PRELID2: variants seen among roughly 807,000 people sequenced by gnomAD.
PRELID2 encodes PRELI domain containing 2.
PRELID2 carries 25 observed loss-of-function variants against 28.4 expected under a neutral mutation model. The ratio of observed to expected loss-of-function variants is 0.88; its 90% confidence interval spans 0.64 to 1.23. The LOEUF (loss-of-function observed/expected upper bound fraction) is 1.23. Ranked by LOEUF, PRELID2 falls within the 50% of genes most tolerant of loss-of-function variation. PRELID2 has a pLI of 0.00. For missense variants in PRELID2, 201 were observed against 214.4 expected, an observed-to-expected ratio of 0.94 and a Z score of 0.39; for synonymous variants, 76 against 71.6, an observed-to-expected ratio of 1.06 and a Z score of -0.31.
At chr5:145,259,868 T>C in the PRELID2 span, among the ~76,000 whole-genome samples, 1 of 152,162 alleles carries the variant, frequency 6.6e-6, no homozygotes, top group East Asian at 1.9e-4. Flanking sequence ...TAGAATGATA[T>C]GGTTTGGATC....
At chr5:145,359,533 T>A in the PRELID2 span, among the ~76,000 whole-genome samples, 1,897 of 152,300 alleles carry the variant, frequency 0.012, 20 homozygotes, top group Non-Finnish European at 0.018. Flanking sequence ...TATGACCACA[T>A]GGTAGAAATA....
chr5:145,282,677 GC>G, the PRELID2 span, among the ~76,000 whole-genome samples: 1 of 152,000 alleles, frequency 6.6e-6, no homozygotes, highest in Non-Finnish European at 1.5e-5. Flanking sequence ...CTGCCAACAT[GC>G]CCGGCTAATT....
At chr5:145,312,523 C>A in the PRELID2 span, among the ~76,000 whole-genome samples, 1 of 152,136 alleles carries the variant, frequency 6.6e-6, no homozygotes, top group Admixed American at 6.6e-5. Flanking sequence ...TTACTCTCAC[C>A]CTCAGCCCTT....
intron 1 of PRELID2, among the ~76,000 whole-genome samples, chr5:145,521,208 T>C (rs1752560514): frequency 6.6e-6 from 1 of 152,210 alleles, no homozygotes; most frequent in Non-Finnish European, 1.5e-5. Context: ...ATTTAAATGT[T>C]CCGACCATTT....
intron 6 of PRELID2, among the ~76,000 whole-genome samples, chr5:145,764,042 G>A (rs931492224): frequency 6.5e-4 from 99 of 151,478 alleles, no homozygotes; most frequent in African/African-American, 2.2e-3. Flanking sequence ...GCAGTGAGCC[G>A]AGATCACACC....
chr5:145,610,363 C>G (rs1753596027), intron 1 of PRELID2, among the ~76,000 whole-genome samples: 1 of 152,128 alleles, frequency 6.6e-6, no homozygotes, highest in South Asian at 2.1e-4. Context: ...TTTGTTTCCT[C>G]TCTGTGAGAG....
chr5:145,292,420 C>T, the PRELID2 span, among the ~76,000 whole-genome samples: 1 of 151,872 alleles, frequency 6.6e-6, no homozygotes, highest in Non-Finnish European at 1.5e-5. Context: ...GTGACTCTGC[C>T]CCTGCACCGA....
chr5:145,817,211 AT>A (rs1215911494), intron 4 of PRELID2, among the ~76,000 whole-genome samples: 3,376 of 94,434 alleles, frequency 0.036, 178 homozygotes, highest in East Asian at 0.084. Flanking sequence ...AAATAAATAA[AT>A]AAAAAAAAAT....
chr5:145,431,885 G>A, the PRELID2 span, among the ~76,000 whole-genome samples: 1 of 152,028 alleles, frequency 6.6e-6, no homozygotes, highest in Non-Finnish European at 1.5e-5. Flanking sequence ...AGATATACAG[G>A]GATGTTCACA....
the PRELID2 span, among the ~76,000 whole-genome samples, chr5:145,375,659 T>C: frequency 1.2e-4 from 19 of 152,296 alleles, no homozygotes; most frequent in South Asian, 3.9e-3. Flanking sequence ...GTTCTGTCCC[T>C]GAGCCTCTAG....
At chr5:145,572,016 A>G (rs1364294792) in intron 1 of PRELID2, among the ~76,000 whole-genome samples, 1 of 152,108 alleles carries the variant, frequency 6.6e-6, no homozygotes, top group Admixed American at 6.6e-5. Context: ...AAAAAAAAGA[A>G]GCATTTACAA....
At chr5:145,287,010 A>G in the PRELID2 span, among the ~76,000 whole-genome samples, 1 of 152,010 alleles carries the variant, frequency 6.6e-6, no homozygotes, top group African/African-American at 2.4e-5. Flanking sequence ...GCGCCTGGCC[A>G]GAACTTCTTA....
At chr5:145,281,620 T>C in the PRELID2 span, among the ~76,000 whole-genome samples, 2 of 152,212 alleles carry the variant, frequency 1.3e-5, no homozygotes, top group African/African-American at 4.8e-5. Flanking sequence ...TGTGGACCCA[T>C]GAATGTTTCA....
the PRELID2 span, among the ~76,000 whole-genome samples, chr5:145,385,882 T>C: frequency 1.3e-5 from 2 of 152,068 alleles, no homozygotes; most frequent in Non-Finnish European, 2.9e-5. Context: ...ACTGAACACC[T>C]CTGTTTTGTG....
chr5:145,563,621 C>T (rs533916864), intron 1 of PRELID2, among the ~76,000 whole-genome samples: 3 of 152,296 alleles, frequency 2.0e-5, no homozygotes, highest in East Asian at 1.9e-4. Flanking sequence ...TAGTCCACTG[C>T]CTTTTCTTGA....
intron 1 of PRELID2, among the ~76,000 whole-genome samples, chr5:145,478,857 C>A (rs1049707733): frequency 6.6e-6 from 1 of 152,202 alleles, no homozygotes; most frequent in East Asian, 1.9e-4. Context: ...ACTGGATCTA[C>A]TCTGTTGATA....
intron 1 of PRELID2, among the ~76,000 whole-genome samples, chr5:145,617,767 C>G (rs557080019): frequency 1.5e-3 from 218 of 143,506 alleles, no homozygotes; most frequent in African/African-American, 5.5e-3. Context: ...GAGTTTTGCT[C>G]TTATTGCCCA....
At chr5:145,726,095 C>T (rs989323239) in intron 1 of PRELID2, among the ~76,000 whole-genome samples, 6 of 151,576 alleles carry the variant, frequency 4.0e-5, no homozygotes, top group Admixed American at 2.0e-4. Flanking sequence ...CTTGAGCCCA[C>T]GAGATGGAGG....
At chr5:145,814,711 C>CA (rs374107434) in intron 4 of PRELID2, among the ~76,000 whole-genome samples, 18 of 150,118 alleles carry the variant, frequency 1.2e-4, no homozygotes, top group East Asian at 7.8e-4. Flanking sequence ...AGAATAATAA[C>CA]AAAAAAAAAC....
Sources: gnomAD v4.1 joint callset for allele counts (sites outside exome capture counted in the v4.1 genomes callset) on GRCh38, gnomAD v4.1.1 for gene constraint, MANE v1.5 for transcripts, NCBI Gene and HGNC (gene_info 2026-07-23, HGNC 2026-07-21) for gene names.